The following TNN variants were observed in gnomAD, a reference collection of about 807,000 sequenced individuals.
TNN encodes the protein tenascin-N.
Under a neutral mutation model 134.4 loss-of-function variants are expected in TNN, and 122 were observed. That is an observed-to-expected ratio of 0.91 (90% CI 0.78 to 1.06). The LOEUF is 1.06. Ranked by LOEUF, TNN falls within the 50% of genes least tolerant of loss-of-function variation. The pLI, the probability that TNN is intolerant of heterozygous loss-of-function variation, is 0.00. For synonymous variants in TNN, 710 were observed against 670.3 expected (o/e 1.06, Z -0.91); for missense variants, 1,739 against 1,699.4 (o/e 1.02, Z -0.41).
rs144588132 is a variant in TNN at position 175,119,309 on chromosome 1, A to G, written c.2650+485A>G. On this transcript the variant is annotated intron_variant, in intron 11 of 18. Coordinates refer to ENST00000239462, the MANE Select transcript of TNN (RefSeq NM_022093.2). ...GGTGACTTCCTGACATTGCCTTGGC[A>G]TTTGTAAACTGTCATGGCACTGGTG... 2.4e-3 allele frequency among the ~76,000 whole-genome samples: 361 copies of G among 152,316 alleles called. 1 individual carries two copies. Among genetic ancestry groups the G allele is most frequent in the Middle Eastern group, 0.014 (4 of 294 alleles).
intron 1 of TNN, among the ~76,000 whole-genome samples, chr1:175,070,842 A>C (rs745995367): frequency 6.6e-6 from 1 of 152,204 alleles, no homozygotes; most frequent in Non-Finnish European, 1.5e-5. Context: ...CCAGCTGAGA[A>C]CTTGCTGTCC....
chr1:175,123,386 A>G lies in TNN; in HGVS notation c.2651-14A>G. 1 of 1,612,980 alleles carries G rather than the reference A, an allele frequency of 6.2e-7. No individual in the cohort carries two copies. The highest frequency in any genetic ancestry group is 8.5e-7 in the Non-Finnish European group (1 of 1,179,692). ...TGTTCTAAAGTTCAGCCTTTTCTAA[A>G]TCTTTTTAAAAAGAAATTGACGGCC... On this transcript the variant is annotated splice_polypyrimidine_tract_variant and intron_variant, in intron 11 of 18. Coordinates refer to ENST00000239462, the MANE Select transcript of TNN (RefSeq NM_022093.2).
At chr1:175,125,948 CCTTT>C (rs1574171095) in intron 12 of TNN, among the ~76,000 whole-genome samples, 2 of 133,004 alleles carry the variant, frequency 1.5e-5, no homozygotes, top group African/African-American at 5.4e-5. Context: ...CGCTTCTCTC[CCTTT>C]CTTTCTTTCC....
chr1:175,075,748 G>A (rs770623597), intron 1 of TNN, among the ~76,000 whole-genome samples: 2 of 152,172 alleles, frequency 1.3e-5, no homozygotes, highest in East Asian at 1.9e-4. Context: ...GAGGGGTGAC[G>A]CGCTGTCATT....
chr1:175,141,628 CAG>C (rs1420129064), intron 17 of TNN, among the ~76,000 whole-genome samples: 3 of 152,180 alleles, frequency 2.0e-5, no homozygotes, highest in African/African-American at 7.2e-5. Context: ...GTGTGACTGA[CAG>C]GGGATGCGAT....
At chr1:175,090,556 A>G (rs1674421778) in intron 6 of TNN, among the ~76,000 whole-genome samples, 1 of 152,186 alleles carries the variant, frequency 6.6e-6, no homozygotes, top group Non-Finnish European at 1.5e-5. Flanking sequence ...TTGTGAGTGG[A>G]GAAACCTGTT....
chr1:175,125,639 TTC>T (rs1306518243), intron 12 of TNN, among the ~76,000 whole-genome samples: 6 of 147,472 alleles, frequency 4.1e-5, no homozygotes, highest in Non-Finnish European at 7.5e-5. Flanking sequence ...CTCTCTTCTT[TTC>T]TCTCTCTCCT....
intron 9 of TNN, among the ~76,000 whole-genome samples, chr1:175,111,778 A>ATT (rs202241032): frequency 5.4e-5 from 8 of 148,186 alleles, no homozygotes; most frequent in South Asian, 4.3e-4. Context: ...TGCTTCCTTG[A>ATT]TTTTTTTTTT....
intron 9 of TNN, among the ~76,000 whole-genome samples, chr1:175,107,423 A>C (rs1421741807): frequency 4.2e-5 from 6 of 142,754 alleles, no homozygotes; most frequent in Non-Finnish European, 9.3e-5. Context: ...GAAGCTGCAG[A>C]CCTTCGTGGT....
chr1:175,138,257 G>A (rs1394584138), intron 17 of TNN, among the ~76,000 whole-genome samples: 1 of 152,230 alleles, frequency 6.6e-6, no homozygotes, highest in African/African-American at 2.4e-5. Flanking sequence ...TTAAAAAATA[G>A]TCACATGAAT....
At chr1:175,105,355 G>T (rs1558359387) in intron 9 of TNN, among the ~76,000 whole-genome samples, 1 of 145,560 alleles carries the variant, frequency 6.9e-6, no homozygotes, top group Non-Finnish European at 1.5e-5. Context: ...ATAACCGATA[G>T]CCCGGGGGTT....
chr1:175,110,478 T>C (rs1439949646), intron 9 of TNN, among the ~76,000 whole-genome samples: 1 of 152,280 alleles, frequency 6.6e-6, no homozygotes, highest in Non-Finnish European at 1.5e-5. Flanking sequence ...CAATGTTTTC[T>C]TCTGTAGTTT....
chr1:175,126,930 C>T, intron 12 of TNN, 25 bp from the exon 13 acceptor site: 3 of 1,593,000 alleles, frequency 1.9e-6, no homozygotes, highest in Non-Finnish European at 2.6e-6. Flanking sequence ...TTAGTAATAA[C>T]AATTACCTGA....
chr1:175,108,603 G>C (rs190988488), intron 9 of TNN, among the ~76,000 whole-genome samples: 3 of 152,258 alleles, frequency 2.0e-5, no homozygotes, highest in Admixed American at 6.5e-5. Context: ...GCCCTGCCCC[G>C]TGGGAAGGCA....
At chr1:175,069,764 C>T (rs886117201) in intron 1 of TNN, among the ~76,000 whole-genome samples, 17 of 152,212 alleles carry the variant, frequency 1.1e-4, no homozygotes, top group African/African-American at 4.1e-4. Context: ...CCACAGTGGA[C>T]TCACTGCTAA....
chr1:175,099,917 G>A (rs1228139900), intron 9 of TNN, among the ~76,000 whole-genome samples: 4 of 151,924 alleles, frequency 2.6e-5, no homozygotes, highest in Admixed American at 2.0e-4. Context: ...TTCCCCCAGC[G>A]CCTCTCTGGT....
rs954821291 is a variant in TNN, at chr1:175,106,960, C to T, written c.2119+8365C>T. 7.5e-5 allele frequency among the ~76,000 whole-genome samples: 11 copies of T among 146,004 alleles called. 1 individual carries two copies. Among genetic ancestry groups the T allele is most frequent in the African/African-American group, 2.7e-4 (11 of 40,476 alleles). ...GGCTGACAGATGCCCGGTATTTAGCCCCCGAATTCTAAAGAAAGATAGGAC... is the reference window on the plus strand; with the variant it reads ...GGCTGACAGATGCCCGGTATTTAGCTCCCGAATTCTAAAGAAAGATAGGAC... On this transcript the variant is annotated intron_variant, in intron 9 of 18. Transcript: ENST00000239462.
rs776222810 is a variant in TNN, at chr1:175,077,829, T to A, written c.409+2T>A. ...AGCGCTGCTGCCAGGGAGTCACTGGTGAGCTCACCACCTGGTATTCATTCA... is the reference window on the plus strand; with the variant it reads ...AGCGCTGCTGCCAGGGAGTCACTGGAGAGCTCACCACCTGGTATTCATTCA... On this transcript the variant is annotated splice_donor_variant, in intron 2 of 18. Coordinates refer to ENST00000239462, the MANE Select transcript of TNN (RefSeq NM_022093.2). LOFTEE classifies it high-confidence loss of function. The A allele has an allele frequency of 1.0e-5, 16 of 1,607,752 alleles. No individual in the cohort carries two copies. Among genetic ancestry groups the A allele is most frequent in the Non-Finnish European group, 1.4e-5 (16 of 1,174,922 alleles).
chr1:175,143,284 G>A (rs1368315116), intron 17 of TNN, among the ~76,000 whole-genome samples: 2 of 152,206 alleles, frequency 1.3e-5, no homozygotes, highest in Non-Finnish European at 2.9e-5. Flanking sequence ...AGATATAAAT[G>A]TAAGAATCTT....
Sources: gnomAD v4.1 joint callset for allele counts (sites outside exome capture counted in the v4.1 genomes callset) on GRCh38, gnomAD v4.1.1 for gene constraint, MANE v1.5 for transcripts, NCBI Gene and HGNC (gene_info 2026-07-23, HGNC 2026-07-21) for gene names.